Variants in CFLAR observed in about 807,000 individuals in gnomAD.
CFLAR encodes the protein CASP8 and FADD like apoptosis regulator.
Under a neutral mutation model 51.1 loss-of-function variants are expected in CFLAR, and 14 were observed. That is an observed-to-expected ratio of 0.27 (90% CI 0.18 to 0.43). CFLAR has a LOEUF of 0.43. Among genes scored for constraint, CFLAR ranks in the 20% least tolerant of loss-of-function variants. The probability of loss-of-function intolerance (pLI) is 1.00; values close to 1 mark genes in which losing one functional copy is unlikely to be tolerated. For synonymous variants in CFLAR, 210 were observed against 211.6 expected (o/e 0.99, Z 0.06); for missense variants, 390 against 566.5 (o/e 0.69, Z 3.16).
Position 201,135,962 on chromosome 2 carries a change from G to C in CFLAR, c.388-10G>C. 6.2e-7 allele frequency: 1 copy of C among 1,603,194 alleles called. No homozygotes were observed. The highest frequency in any genetic ancestry group is 8.5e-7 in the Non-Finnish European group (1 of 1,176,484). On this transcript the variant is annotated splice_polypyrimidine_tract_variant and intron_variant, in intron 3 of 9. Transcript: ENST00000309955. ...TATTGACATTTGTTTTTTGTTGGTG[G>C]TTCTCTTAGAGTTTCTTGGACCTTG... is the stretch of plus-strand genomic sequence containing the variant.
Position 201,174,644 on chromosome 2 carries a change from A to T in CFLAR, c.*10671A>T, listed in dbSNP as rs1005665582. ...ACAATCCTCCCACCTCCACCTCCCA[A>T]AGTGCTGAGGGGTGAGCCACTGCAA... On this transcript the variant is annotated 3_prime_UTR_variant, in exon 10 of 10. Coordinates refer to ENST00000309955, the MANE Select transcript of CFLAR (RefSeq NM_003879.7). 6.6e-6 allele frequency: 1 copy of T among 152,132 alleles called. No homozygotes were observed. Among genetic ancestry groups the T allele is most frequent in the Non-Finnish European group, 1.5e-5 (1 of 68,068 alleles). 9.4% of individuals were successfully genotyped at this position (152,132 alleles called of 1,614,324 possible).
Position 201,149,854 on chromosome 2 carries a change from G to C in CFLAR, c.793+19G>C. Reference sequence around the variant, plus strand: ...GAGACAGGTAGGTGTGGAAGCTGCAGATTAACTGGTGCCCCCAGATTGAGA... The same window carrying C: ...GAGACAGGTAGGTGTGGAAGCTGCACATTAACTGGTGCCCCCAGATTGAGA... On this transcript the variant is annotated intron_variant, in intron 8 of 9. Transcript: ENST00000309955. 6.3e-7 allele frequency: 1 copy of C among 1,585,872 alleles called. No homozygotes were observed. The highest frequency in any genetic ancestry group is 8.7e-7 in the Non-Finnish European group (1 of 1,154,332).
At chr2:201,130,826 T>C (rs1243339069) in intron 2 of CFLAR, among the ~76,000 whole-genome samples, 2 of 152,196 alleles carry the variant, frequency 1.3e-5, no homozygotes, top group African/African-American at 4.8e-5. Context: ...TGCAGCAGTG[T>C]TTACTAGTTC....
At chr2:201,163,450 C>T (rs1943255771) in intron 9 of CFLAR, 1 of 1,109,766 alleles carries the variant, frequency 9.0e-7, no homozygotes. Context: ...TCATGGCCTT[C>T]TTTACCTGGC....
chr2:201,174,003 T>A lies in CFLAR; in HGVS notation c.*10030T>A, dbSNP rs1440980616. On this transcript the variant is annotated 3_prime_UTR_variant, in exon 10 of 10. Coordinates refer to ENST00000309955, the MANE Select transcript of CFLAR (RefSeq NM_003879.7). ...CTTTTTATTGTTGAGTTGTAAGCAT[T>A]CTTTTTAATATTCTGGATACTAGTT... 1 of 152,214 alleles carries A rather than the reference T, an allele frequency of 6.6e-6. No homozygotes were observed. The allele number at this position is 152,214 out of a possible 1,614,324, so 9.4% of individuals were successfully genotyped here.
At chr2:201,117,075 C>T (rs536072394) in intron 1 of CFLAR, 1 of 152,266 alleles carries the variant, frequency 6.6e-6, no homozygotes, top group South Asian at 2.1e-4. Context: ...ACTTTCCCAA[C>T]AATTGTGTAT....
chr2:201,130,353 CTTTTTTTTTTTTTTTTT>C (rs771361555), intron 2 of CFLAR, among the ~76,000 whole-genome samples: 1 of 92,298 alleles, frequency 1.1e-5, no homozygotes, highest in Non-Finnish European at 2.1e-5. Flanking sequence ...TTCTTTCTTT[CTTTTTTTTTTTTTTTTT>C]TTTTTTTTTG....
intron 1 of CFLAR, among the ~76,000 whole-genome samples, chr2:201,121,799 C>T (rs1008737316): frequency 1.2e-4 from 18 of 152,276 alleles, no homozygotes; most frequent in Middle Eastern, 3.4e-3. Flanking sequence ...CTTAAGAGAA[C>T]GTCTCCTAAA....
chr2:201,133,631 T>A (rs2049619658), intron 3 of CFLAR, among the ~76,000 whole-genome samples: 1 of 151,976 alleles, frequency 6.6e-6, no homozygotes, highest in Admixed American at 6.6e-5. Context: ...AGTAGAGATT[T>A]AGAGTTGAAA....
chr2:201,118,677 G>A lies in CFLAR; in HGVS notation c.-138+2196G>A, dbSNP rs1468964230. On this transcript the variant is annotated intron_variant, in intron 1 of 9. Coordinates refer to ENST00000309955, the MANE Select transcript of CFLAR (RefSeq NM_003879.7). The surrounding 1 kb of genome is among the most constrained non-coding windows in gnomAD (Gnocchi z 5.1). ...GTCTTGTGTGGTAACATTTCAGCCG[G>A]TGGGTGGCGGGGATTAGGCGTGAAG... 6.6e-6 allele frequency: 1 copy of A among 152,300 alleles called. No homozygotes were observed. Among genetic ancestry groups the A allele is most frequent in the African/African-American group, 2.4e-5 (1 of 41,468 alleles). The allele number at this position is 152,300 out of a possible 1,614,324, so 9.4% of individuals were successfully genotyped here.
chr2:201,164,139 C>T lies in CFLAR; in HGVS notation c.*166C>T. The T allele has an allele frequency of 2.0e-6, 1 of 497,090 alleles. No individual in the cohort carries two copies. Among genetic ancestry groups the T allele is most frequent in the Non-Finnish European group, 3.5e-6 (1 of 283,314 alleles). The allele number at this position is 497,090 out of a possible 1,614,324, so 30.8% of individuals were successfully genotyped here. A position where few individuals can be genotyped will look rare whatever the true frequency, so the allele number is the denominator to read the frequency against. On this transcript the variant is annotated 3_prime_UTR_variant, in exon 10 of 10. Coordinates refer to ENST00000309955, the MANE Select transcript of CFLAR (RefSeq NM_003879.7). ...AATTAGCTGGGTGTGGGTGTGGGTA[C>T]CTGTATTCCCAGTTACTTGGGAGGC... is the stretch of plus-strand genomic sequence containing the variant.
chr2:201,129,793 C>T lies in CFLAR; in HGVS notation c.-73C>T. The T allele has an allele frequency of 7.0e-7, 1 of 1,420,696 alleles. No homozygotes were observed. Among genetic ancestry groups the T allele is most frequent in the South Asian group, 1.3e-5 (1 of 76,650 alleles). The allele number at this position is 1,420,696 out of a possible 1,614,324, so 88.0% of individuals were successfully genotyped here. ...AGCCCTCAGAAATGAAGTTGACTGC[C>T]TGCTGGCTTTCTGTTGACTGGCCCG... On this transcript the variant is annotated 5_prime_UTR_variant, in exon 2 of 10. Transcript: ENST00000309955.
At chr2:201,145,294 A>G (rs900002573) in intron 5 of CFLAR, 84 bp from the exon 6 acceptor site, 1 of 757,540 alleles carries the variant, frequency 1.3e-6, no homozygotes, top group Non-Finnish European at 2.3e-6. Flanking sequence ...TAAGAATCCT[A>G]TTGAGACATT....
intron 2 of CFLAR, chr2:201,132,764 T>C: frequency 2.9e-6 from 1 of 343,572 alleles, no homozygotes; most frequent in Non-Finnish European, 5.2e-6. Flanking sequence ...GAAGTTTCCA[T>C]TCTCTGAGTT....
rs1307811306 is a variant in CFLAR at position 201,170,869 on chromosome 2, T to A, written c.*6896T>A. 1.3e-5 allele frequency: 2 copies of A among 152,252 alleles called. No individual in the cohort carries two copies. The highest frequency in any genetic ancestry group is 2.4e-5 in the African/African-American group (1 of 41,474). The allele number at this position is 152,252 out of a possible 1,614,324, so 9.4% of individuals were successfully genotyped here. ...AATTGACTGCATGTTTTGGTACCAT[T>A]TAGATATAGTTTAAGATACTTAGAA... is the stretch of plus-strand genomic sequence containing the variant. On this transcript the variant is annotated 3_prime_UTR_variant, in exon 10 of 10. Transcript: ENST00000309955.
At position 201,130,017 on chromosome 2, in the gene CFLAR, C is replaced by T. The variant is rs1376194603; in HGVS notation, c.152C>T (p.Ser51Phe). The T allele has an allele frequency of 3.1e-6, 5 of 1,614,058 alleles. No homozygotes were observed. Among genetic ancestry groups the T allele is most frequent in the South Asian group, 1.1e-5 (1 of 91,088 alleles). ...LDILRERGKLSVGDLAELLYR... is the reference protein window; with the variant it reads ...LDILRERGKLFVGDLAELLYR... ...ATTTTACGGGAAAGAGGTAAGCTGT[C>T]TGTCGGGGACTTGGCTGAACTGCTC... The change falls in exon 2 of 10, where the codon TCT becomes TTT. Residue 51 changes from serine (S) to phenylalanine (F), a missense_variant. Ser to Phe is a radical substitution (Grantham distance 155). Coordinates refer to ENST00000309955, the MANE Select transcript of CFLAR (RefSeq NM_003879.7).
At position 201,169,997 on chromosome 2, in the gene CFLAR, T is replaced by A. The variant is rs1943915338; in HGVS notation, c.*6024T>A. 1 of 152,220 alleles carries A rather than the reference T, an allele frequency of 6.6e-6. No individual in the cohort carries two copies. The highest frequency in any genetic ancestry group is 1.9e-4 in the East Asian group (1 of 5,196). 9.4% of individuals were successfully genotyped at this position (152,220 alleles called of 1,614,324 possible). Reference sequence around the variant, plus strand: ...GTGGAGAAGTAGGAACACTTTTACATTGTTGGTGGGAATGTAAATTAGTTC... The same window carrying A: ...GTGGAGAAGTAGGAACACTTTTACAATGTTGGTGGGAATGTAAATTAGTTC... On this transcript the variant is annotated 3_prime_UTR_variant, in exon 10 of 10. Transcript: ENST00000309955.
chr2:201,121,964 G>A (rs2048228739), intron 1 of CFLAR, among the ~76,000 whole-genome samples: 1 of 152,200 alleles, frequency 6.6e-6, no homozygotes, highest in African/African-American at 2.4e-5. Flanking sequence ...TAGACATCCA[G>A]TTCCTCTAAA....
At chr2:201,127,345 C>A (rs1206707813) in intron 1 of CFLAR, among the ~76,000 whole-genome samples, 1 of 152,146 alleles carries the variant, frequency 6.6e-6, no homozygotes, top group Non-Finnish European at 1.5e-5. Flanking sequence ...GGGCACAAGT[C>A]TTTTACTGGG....
Sources: allele counts gnomAD v4.1 joint callset (sites outside exome capture counted in the v4.1 genomes callset), GRCh38; gene constraint gnomAD v4.1.1; non-coding constraint Gnocchi (gnomAD v3.1); transcripts MANE v1.5; gene names NCBI Gene and HGNC (gene_info 2026-07-23, HGNC 2026-07-21).